The following SLC26A3 variants were observed in gnomAD, a reference collection of about 807,000 sequenced individuals.
SLC26A3 encodes chloride anion exchanger.
Under a neutral mutation model 85.6 loss-of-function variants are expected in SLC26A3, and 64 were observed. The ratio of observed to expected loss-of-function variants is 0.75; its 90% CI spans 0.61 to 0.92. The LOEUF (loss-of-function observed/expected upper bound fraction) is 0.92. SLC26A3 is among the 40% of genes least tolerant of loss of function. SLC26A3 has a pLI of 0.00. For missense variants in SLC26A3, 922 were observed against 927.3 expected, an observed-to-expected ratio of 0.99 and a Z score of 0.07; for synonymous variants, 349 against 336.0, an observed-to-expected ratio of 1.04 and a Z score of -0.42.
At chr7:107,794,251 G>A in intron 2 of SLC26A3, 128 bp downstream of exon 2, 1 of 1,108,500 alleles carries the variant, frequency 9.0e-7, no homozygotes, top group Non-Finnish European at 1.3e-6. Flanking sequence ...AGGAGGTTTG[G>A]AAACTAAAGA....
At chr7:107,798,598 G>A (rs940525052) in intron 1 of SLC26A3, among the ~76,000 whole-genome samples, 3 of 152,048 alleles carry the variant, frequency 2.0e-5, no homozygotes, top group African/African-American at 7.2e-5. Flanking sequence ...TTTAATTAGC[G>A]GTCATTTGAA....
chr7:107,770,533 C>T (rs1794012132), intron 18 of SLC26A3, among the ~76,000 whole-genome samples: 1 of 152,018 alleles, frequency 6.6e-6, no homozygotes, highest in Admixed American at 6.6e-5. Context: ...GCTAAGATTA[C>T]AGGCATGAGC....
intron 20 of SLC26A3, among the ~76,000 whole-genome samples, chr7:107,766,233 T>G (rs1342061504): frequency 6.6e-6 from 1 of 152,116 alleles, no homozygotes; most frequent in Admixed American, 6.6e-5. Flanking sequence ...AAAGAGCTGG[T>G]GTTAAATGTT....
intron 11 of SLC26A3, 84 bp downstream of exon 11, chr7:107,782,713 G>C: frequency 8.0e-7 from 1 of 1,254,452 alleles, no homozygotes; most frequent in Non-Finnish European, 1.2e-6. Context: ...ATTTCCCCTA[G>C]TTTAGTTTGT....
At position 107,794,553 on chromosome 7, in the gene SLC26A3, C is replaced by G; in HGVS notation, c.-44G>C. Reference sequence around the variant, plus strand: ...TGTGGCAAGTTGAAGACCTTTGCAACTATGTGGTGAACACTTCTTCTTGCC... The same window carrying G: ...TGTGGCAAGTTGAAGACCTTTGCAAGTATGTGGTGAACACTTCTTCTTGCC... On this transcript the variant is annotated 5_prime_UTR_variant, in exon 2 of 21. Transcript: ENST00000340010. 1 of 1,612,154 alleles carries G rather than the reference C, an allele frequency of 6.2e-7. No individual in the cohort carries two copies. Among genetic ancestry groups the G allele is most frequent in the Non-Finnish European group, 8.5e-7 (1 of 1,178,352 alleles).
intron 20 of SLC26A3, among the ~76,000 whole-genome samples, chr7:107,767,024 A>G (rs1376541795): frequency 1.2e-4 from 19 of 152,216 alleles, no homozygotes. Context: ...CCCAAACTAG[A>G]AACATTGCTT....
intron 1 of SLC26A3, among the ~76,000 whole-genome samples, chr7:107,797,460 C>T (rs915937440): frequency 1.3e-5 from 2 of 151,908 alleles, no homozygotes; most frequent in Admixed American, 1.3e-4. Flanking sequence ...TGCCCCTGCA[C>T]TCCAGCCTGG....
chr7:107,791,238 A>G lies in SLC26A3; in HGVS notation c.383-3T>C. 1 of 1,614,108 alleles carries G rather than the reference A, an allele frequency of 6.2e-7. No homozygotes were observed. Among genetic ancestry groups the G allele is most frequent in the South Asian group, 1.1e-5 (1 of 91,076 alleles). On this transcript the variant is annotated splice_region_variant and splice_polypyrimidine_tract_variant and intron_variant, in intron 4 of 20. Coordinates refer to ENST00000340010, the MANE Select transcript of SLC26A3 (RefSeq NM_000111.3). ...CATACTCAGAATCGGAAACGGACCT[A>G]ATTAACAGTGGGTGAATCGTGGTCA...
chr7:107,768,192 G>A (rs1793947579), intron 18 of SLC26A3, among the ~76,000 whole-genome samples: 2 of 152,174 alleles, frequency 1.3e-5, no homozygotes. Flanking sequence ...AATTCATTTA[G>A]GCAGGAGCCT....
intron 19 of SLC26A3, 31 bp from the exon 20 acceptor site, chr7:107,767,675 G>C (rs747295526): frequency 1.1e-5 from 18 of 1,604,024 alleles, no homozygotes; most frequent in Non-Finnish European, 1.3e-5. Flanking sequence ...ATATGGATTA[G>C]GGGCTGATTT....
intron 13 of SLC26A3, among the ~76,000 whole-genome samples, chr7:107,777,958 G>T (rs1416257064): frequency 6.6e-6 from 1 of 152,222 alleles, no homozygotes; most frequent in Admixed American, 6.5e-5. Flanking sequence ...CAGACCAACA[G>T]CAAGTCTCCT....
intron 18 of SLC26A3, among the ~76,000 whole-genome samples, chr7:107,770,285 C>T (rs1263151737): frequency 2.4e-5 from 2 of 82,696 alleles, no homozygotes; most frequent in East Asian, 4.2e-4. Context: ...GAGACAGGGT[C>T]TTGCTCTGTC....
Position 107,776,495 on chromosome 7 carries a change from T to C in SLC26A3, c.1634A>G (p.Tyr545Cys). ...VKIFRCPSPIYFANIGFFRRK... is the reference protein window; with the variant it reads ...VKIFRCPSPICFANIGFFRRK... ...CCTAAAGAAACCAATGTTTGCAAAGTAGATAGGAGATGGACATCTGAAAAT... is the reference window on the plus strand; with the variant it reads ...CCTAAAGAAACCAATGTTTGCAAAGCAGATAGGAGATGGACATCTGAAAAT... The change falls in exon 15 of 21, where the codon TAC becomes TGC. Residue 545 changes from tyrosine to cysteine, a missense_variant. Coordinates refer to ENST00000340010, the MANE Select transcript of SLC26A3 (RefSeq NM_000111.3). The C allele has an allele frequency of 1.2e-6, 2 of 1,614,142 alleles. No individual in the cohort carries two copies. Among genetic ancestry groups the C allele is most frequent in the East Asian group, 2.2e-5 (1 of 44,870 alleles).
chr7:107,771,654 A>T (rs766759465), intron 18 of SLC26A3, among the ~76,000 whole-genome samples: 1 of 152,178 alleles, frequency 6.6e-6, no homozygotes, highest in African/African-American at 2.4e-5. Context: ...CGTTAATCCT[A>T]ACAATCTGGA....
chr7:107,789,830 C>A, intron 5 of SLC26A3, 142 bp from the exon 6 acceptor site: 1 of 829,980 alleles, frequency 1.2e-6, no homozygotes, highest in South Asian at 1.7e-5. Context: ...AATGTCCCTG[C>A]CTCCTGGGAC....
chr7:107,790,993 G>C, intron 5 of SLC26A3, 55 bp downstream of exon 5: 1 of 1,568,502 alleles, frequency 6.4e-7, no homozygotes, highest in South Asian at 1.1e-5. Context: ...AGAGAGATGT[G>C]TAACAGTCAA....
chr7:107,766,327 A>T (rs889535052), intron 20 of SLC26A3, among the ~76,000 whole-genome samples: 6 of 152,150 alleles, frequency 3.9e-5, no homozygotes. Context: ...TTTGGGTCAG[A>T]CATGAGGTAA....
rs561332379 is a variant in SLC26A3, at chr7:107,782,558, A to G, written c.1311+239T>C. 7.9e-5 allele frequency among the ~76,000 whole-genome samples: 12 copies of G among 152,338 alleles called. No individual in the cohort carries two copies. The South Asian group carries it at 2.3e-3, about 29-fold the overall frequency. Reference sequence around the variant, plus strand: ...TTCAACATTAATTCTATTTGGGGCTATGCACATGCAAAGTGTAGAGGAGAT... The same window carrying G: ...TTCAACATTAATTCTATTTGGGGCTGTGCACATGCAAAGTGTAGAGGAGAT... On this transcript the variant is annotated intron_variant, in intron 11 of 20. Transcript: ENST00000340010.
At chr7:107,779,887 C>T (rs1042246730) in intron 11 of SLC26A3, 124 bp from the exon 12 acceptor site, 8 of 797,288 alleles carry the variant, frequency 1.0e-5, no homozygotes, top group Non-Finnish European at 1.5e-5. Context: ...AGCATTACAC[C>T]CTTTTCCGGT....
Sources: allele counts gnomAD v4.1 joint callset (sites outside exome capture counted in the v4.1 genomes callset), GRCh38; gene constraint gnomAD v4.1.1; transcripts MANE v1.5; gene names NCBI Gene and HGNC (gene_info 2026-07-23, HGNC 2026-07-21).